Variants in ATE1 observed in about 807,000 individuals in gnomAD.
ATE1 encodes the protein arginyl-tRNA--protein transferase 1.
In ATE1, 36 loss-of-function variants were observed where a neutral mutation model predicts 70.5. The observed-to-expected ratio is 0.51, with a 90% confidence interval of 0.39 to 0.67. The LOEUF is 0.67. Among genes scored for constraint, ATE1 ranks in the 30% least tolerant of loss-of-function variants. ATE1 has a pLI of 0.00. For synonymous variants in ATE1, 232 were observed against 219.3 expected, an observed-to-expected ratio of 1.06 and a Z score of -0.51; for missense variants, 593 against 629.5, an observed-to-expected ratio of 0.94 and a Z score of 0.62.
At chr10:121,817,674 G>C (rs1026136657) in intron 10 of ATE1, among the ~76,000 whole-genome samples, 3 of 152,160 alleles carry the variant, frequency 2.0e-5, no homozygotes, top group African/African-American at 7.2e-5. Flanking sequence ...AATGGAAACA[G>C]TATCTTTGTA....
At chr10:121,806,586 T>C (rs1564853447) in intron 10 of ATE1, among the ~76,000 whole-genome samples, 1 of 152,172 alleles carries the variant, frequency 6.6e-6, no homozygotes, top group Non-Finnish European at 1.5e-5. Context: ...TTTGATGATA[T>C]TACTGTAAGA....
intron 11 of ATE1, among the ~76,000 whole-genome samples, chr10:121,786,405 A>G (rs1475437438): frequency 6.6e-6 from 1 of 152,130 alleles, no homozygotes; most frequent in Admixed American, 6.5e-5. Context: ...ATGGTGGTTC[A>G]CGCCTATAAT....
At chr10:121,911,227 T>A in intron 4 of ATE1, 76 bp from the exon 5 acceptor site, 1 of 1,509,026 alleles carries the variant, frequency 6.6e-7, no homozygotes, top group Non-Finnish European at 8.9e-7. Context: ...AATACAATGT[T>A]CCTATTATCC....
intron 8 of ATE1, among the ~76,000 whole-genome samples, chr10:121,853,519 T>A (rs1949134541): frequency 6.6e-6 from 1 of 152,098 alleles, no homozygotes; most frequent in Non-Finnish European, 1.5e-5. Flanking sequence ...AGGCTTGGGA[T>A]GCTCAACCAG....
At chr10:121,890,751 T>G (rs1950551548) in intron 7 of ATE1, among the ~76,000 whole-genome samples, 1 of 152,220 alleles carries the variant, frequency 6.6e-6, no homozygotes, top group Non-Finnish European at 1.5e-5. Flanking sequence ...ATCTCATGTT[T>G]CTATCACATA....
chr10:121,807,781 A>G (rs1051051545), intron 10 of ATE1, among the ~76,000 whole-genome samples: 5 of 152,220 alleles, frequency 3.3e-5, no homozygotes, highest in African/African-American at 1.2e-4. Context: ...TGGCCCACAA[A>G]CTAAAAATGG....
At chr10:121,754,526 T>C (rs1008555585) in intron 11 of ATE1, among the ~76,000 whole-genome samples, 3 of 152,170 alleles carry the variant, frequency 2.0e-5, no homozygotes, top group Non-Finnish European at 4.4e-5. Flanking sequence ...CGTGAGTCAA[T>C]ATAAACAACA....
chr10:121,747,285 C>T, intron 11 of ATE1, among the ~76,000 whole-genome samples: 1 of 152,210 alleles, frequency 6.6e-6, no homozygotes, highest in Non-Finnish European at 1.5e-5. Flanking sequence ...ATTGCTGTTT[C>T]ATCTGCGCCT....
intron 10 of ATE1, among the ~76,000 whole-genome samples, chr10:121,817,795 CA>C (rs1170745623): frequency 1.3e-5 from 2 of 151,938 alleles, no homozygotes; most frequent in African/African-American, 4.8e-5. Context: ...TATACAAAAG[CA>C]GAAGAGAAGA....
At chr10:121,750,930 T>C (rs1176725496) in intron 11 of ATE1, among the ~76,000 whole-genome samples, 1 of 152,218 alleles carries the variant, frequency 6.6e-6, no homozygotes, top group African/African-American at 2.4e-5. Context: ...TTTAGAATAT[T>C]TTAAAGTGAC....
intron 5 of ATE1, among the ~76,000 whole-genome samples, chr10:121,905,138 C>T (rs1951140281): frequency 6.6e-6 from 1 of 152,002 alleles, no homozygotes; most frequent in Admixed American, 6.6e-5. Flanking sequence ...CCTGTCTGTA[C>T]AAGAAAAACA....
At chr10:121,898,941 T>C in intron 7 of ATE1, 2 of 1,613,784 alleles carry the variant, frequency 1.2e-6, no homozygotes, top group Non-Finnish European at 1.7e-6. Flanking sequence ...GAACTCTGGG[T>C]CCTCAAAGGA....
At chr10:121,765,119 C>T (rs890621327) in intron 11 of ATE1, among the ~76,000 whole-genome samples, 3 of 152,146 alleles carry the variant, frequency 2.0e-5, no homozygotes, top group South Asian at 2.1e-4. Flanking sequence ...ACAGGGAGGT[C>T]GCTGGCAGGA....
intron 1 of ATE1, chr10:121,927,385 T>C: frequency 1.9e-5 from 19 of 985,028 alleles, no homozygotes; most frequent in Non-Finnish European, 2.2e-5. Context: ...TCATCCTTCC[T>C]GTACATTCGT....
intron 10 of ATE1, among the ~76,000 whole-genome samples, chr10:121,829,682 C>A (rs1948160718): frequency 6.6e-6 from 1 of 150,698 alleles, no homozygotes; most frequent in Admixed American, 6.6e-5. Flanking sequence ...GCACTCCAGC[C>A]TGGGCGACAG....
At chr10:121,792,621 C>T (rs1249299386) in intron 10 of ATE1, among the ~76,000 whole-genome samples, 1 of 152,132 alleles carries the variant, frequency 6.6e-6, no homozygotes, top group East Asian at 1.9e-4. Flanking sequence ...TGTAATAAAG[C>T]CAGATATTTC....
intron 5 of ATE1, among the ~76,000 whole-genome samples, chr10:121,903,116 C>T (rs1177056838): frequency 6.6e-6 from 1 of 152,060 alleles, no homozygotes; most frequent in East Asian, 1.9e-4. Flanking sequence ...GTCTCAAACT[C>T]CTGACCTCGT....
intron 7 of ATE1, among the ~76,000 whole-genome samples, chr10:121,895,195 A>G (rs988413447): frequency 6.6e-6 from 1 of 152,178 alleles, no homozygotes. Flanking sequence ...AGGAAAACAC[A>G]TGAGTTACCA....
rs1283980322 is a variant in ATE1, at chr10:121,841,727, A to C, written c.976-464T>G. On this transcript the variant is annotated intron_variant, in intron 8 of 11. Coordinates refer to ENST00000224652, the MANE Select transcript of ATE1 (RefSeq NM_001001976.3). ...AGGGAGCTAAGCTATGAGGACACAA[A>C]AACATAAGAATGACACAATGGACTT... Among the ~76,000 whole-genome samples the C allele has an allele frequency of 2.0e-5, 3 of 152,134 alleles. No homozygotes were observed. In the East Asian group the frequency reaches 5.8e-4, roughly 29 times the overall value.
Sources: allele counts gnomAD v4.1 joint callset (sites outside exome capture counted in the v4.1 genomes callset), GRCh38; gene constraint gnomAD v4.1.1; transcripts MANE v1.5; gene names NCBI Gene and HGNC (gene_info 2026-07-23, HGNC 2026-07-21).